The following METAP2 variants were observed in gnomAD, a reference collection of about 807,000 sequenced individuals.
METAP2 encodes the protein methionine aminopeptidase 2.
Under a neutral mutation model 59.4 loss-of-function variants are expected in METAP2, and 25 were observed. The observed-to-expected ratio is 0.42, with a 90% CI of 0.31 to 0.59. The LOEUF (loss-of-function observed/expected upper bound fraction) is 0.59. Among genes scored for constraint, METAP2 ranks in the 20% least tolerant of loss-of-function variants. The probability of loss-of-function intolerance (pLI) is 0.16; values close to 1 mark genes in which losing one functional copy is unlikely to be tolerated. For missense variants in METAP2, 366 were observed against 581.2 expected, an observed-to-expected ratio of 0.63 and a Z score of 3.81; for synonymous variants, 214 against 194.1, an observed-to-expected ratio of 1.10 and a Z score of -0.85.
chr12:95,474,403 G>T (rs1387186580), intron 1 of METAP2, 73 bp downstream of exon 1: 2 of 1,525,694 alleles, frequency 1.3e-6, no homozygotes, highest in African/African-American at 1.4e-5. Flanking sequence ...CCGTTGAGGG[G>T]GCCGGGACCG....
Position 95,495,002 on chromosome 12 carries a change from A to G in METAP2, c.636A>G (p.Gly212=), listed in dbSNP as rs2076266755. Residue 212 remains glycine, a synonymous_variant, in exon 6 of 11, where the codon GGA becomes GGG. Transcript: ENST00000323666. ...CACGCAAGTTAATAAAAGAGAATGG[A>G]TTAAATGCAGGCCTGGCATTTCCTA... ...DCSRKLIKEN[G]LNAGLAFPTG... is the part of the protein sequence containing the mutation. 1 of 1,613,734 alleles carries G rather than the reference A, an allele frequency of 6.2e-7. No individual in the cohort carries two copies.
intron 1 of METAP2, 24 bp downstream of exon 1, chr12:95,474,354 C>T: frequency 6.2e-7 from 1 of 1,611,130 alleles, no homozygotes; most frequent in Non-Finnish European, 8.5e-7. Context: ...TATGTTTTCC[C>T]AGTCCCCTCC....
At chr12:95,511,621 A>C (rs1214696688) in intron 8 of METAP2, among the ~76,000 whole-genome samples, 1 of 151,890 alleles carries the variant, frequency 6.6e-6, no homozygotes, top group Non-Finnish European at 1.5e-5. Flanking sequence ...CGAACTCCTG[A>C]CCTCAGGTGA....
At chr12:95,509,348 G>A (rs944027473) in intron 8 of METAP2, among the ~76,000 whole-genome samples, 1 of 152,152 alleles carries the variant, frequency 6.6e-6, no homozygotes, top group African/African-American at 2.4e-5. Context: ...CATTGCAGTG[G>A]GAATGCCATA....
chr12:95,503,801 C>G (rs1236385520), intron 7 of METAP2, among the ~76,000 whole-genome samples: 1 of 152,160 alleles, frequency 6.6e-6, no homozygotes, highest in Non-Finnish European at 1.5e-5. Flanking sequence ...CTGGAAGTTG[C>G]AAGGCTTCAG....
At chr12:95,497,144 A>G (rs1330507635) in intron 7 of METAP2, among the ~76,000 whole-genome samples, 5 of 152,132 alleles carry the variant, frequency 3.3e-5, no homozygotes, top group Non-Finnish European at 5.9e-5. Context: ...TATGTTGTTC[A>G]TTGGTATTAA....
intron 5 of METAP2, 48 bp downstream of exon 5, chr12:95,494,265 A>G (rs761389224): frequency 6.5e-7 from 1 of 1,537,456 alleles, no homozygotes; most frequent in South Asian, 1.2e-5. Flanking sequence ...ATGTTTTATT[A>G]AGTACTAACT....
intron 8 of METAP2, among the ~76,000 whole-genome samples, chr12:95,510,274 G>C (rs185494564): frequency 9.0e-4 from 137 of 152,330 alleles, no homozygotes; most frequent in African/African-American, 3.2e-3. Context: ...AAGACGCTCA[G>C]TCTCATTTTC....
chr12:95,515,533 C>CT lies in METAP2; in HGVS notation c.*1632dup, dbSNP rs1188301261. The CT allele has an allele frequency of 6.6e-6, 1 of 152,158 alleles. No homozygotes were observed. The highest frequency in any genetic ancestry group is 2.4e-5 in the African/African-American group (1 of 41,404). The allele number at this position is 152,158 out of a possible 1,614,324, so 9.4% of individuals were successfully genotyped here. ...TAAACCCAGCAATTTTAGAATTGAC[C>CT]TTTATGAGTGAAGACTTTTGGAGCT... On this transcript the variant is annotated 3_prime_UTR_variant, in exon 11 of 11. Transcript: ENST00000323666.
Position 95,483,232 on chromosome 12 carries a change from G to T in METAP2, c.277G>T (p.Asp93Tyr), listed in dbSNP as rs746486436. 6 of 1,613,134 alleles carry T rather than the reference G, an allele frequency of 3.7e-6. No individual in the cohort carries two copies. Among genetic ancestry groups the T allele is most frequent in the Non-Finnish European group, 4.2e-6 (5 of 1,179,080 alleles). Residue 93 changes from aspartate (D) to tyrosine (Y), a missense_variant, in exon 3 of 11, where the codon GAT becomes TAT. Physicochemically the swap from Asp to Tyr is radical, Grantham distance 160. Transcript: ENST00000323666. ...TTTCTTAGATGGAGATGGCGATGGAGATGGAGCAACTGGAAAGAAGAAGAA... is the reference window on the plus strand; with the variant it reads ...TTTCTTAGATGGAGATGGCGATGGATATGGAGCAACTGGAAAGAAGAAGAA... ...EDDEDGDGDG[D>Y]GATGKKKKKK...
chr12:95,508,186 G>C lies in METAP2; in HGVS notation c.965-3709G>C, dbSNP rs556277723. On this transcript the variant is annotated intron_variant, in intron 8 of 10. Coordinates refer to ENST00000323666, the MANE Select transcript of METAP2 (RefSeq NM_006838.4). ...AAATTTACTATGTTCCTTAGTAAGG[G>C]TAAACATACTTTTCTTTGTATCCTA... Among the ~76,000 whole-genome samples, 24 of 152,204 alleles carry C rather than the reference G, an allele frequency of 1.6e-4. No homozygotes were observed. In the South Asian group the frequency reaches 4.8e-3, roughly 30 times the overall value.
intron 4 of METAP2, among the ~76,000 whole-genome samples, chr12:95,488,328 C>T (rs747909038): frequency 9.3e-5 from 14 of 151,284 alleles, no homozygotes; most frequent in Admixed American, 4.6e-4. Flanking sequence ...GGTAAAACCC[C>T]GTCTCTACTA....
chr12:95,476,276 G>A, intron 2 of METAP2, 98 bp downstream of exon 2: 3 of 676,328 alleles, frequency 4.4e-6, no homozygotes, highest in Non-Finnish European at 7.4e-6. Context: ...GGAGGTCGAG[G>A]CGGGTGGATT....
At chr12:95,491,918 AC>A (rs1299895341) in intron 4 of METAP2, among the ~76,000 whole-genome samples, 3 of 150,454 alleles carry the variant, frequency 2.0e-5, no homozygotes, top group African/African-American at 7.4e-5. Flanking sequence ...TGATCCTCCT[AC>A]CCCTTCTCCC....
intron 8 of METAP2, 33 bp from the exon 9 acceptor site, chr12:95,511,862 G>A: frequency 6.7e-7 from 1 of 1,482,918 alleles, no homozygotes; most frequent in Non-Finnish European, 9.3e-7. Context: ...TTGAGATCCT[G>A]AATGACTTTT....
At position 95,513,150 on chromosome 12, in the gene METAP2, C is replaced by T. The variant is rs546809638; in HGVS notation, c.1184+234C>T. ...ACACACACAAGTGCTCTCTTCAAGT[C>T]CGGTTTCTGATAATCATAAATGTCA... On this transcript the variant is annotated intron_variant, in intron 10 of 10. Coordinates refer to ENST00000323666, the MANE Select transcript of METAP2 (RefSeq NM_006838.4). Among the ~76,000 whole-genome samples, 99 of 149,366 alleles carry T rather than the reference C, an allele frequency of 6.6e-4. No homozygotes were observed. The South Asian group carries it at 0.01, about 16-fold the overall frequency.
chr12:95,502,765 C>T (rs1304630712), intron 7 of METAP2, among the ~76,000 whole-genome samples: 1 of 151,870 alleles, frequency 6.6e-6, no homozygotes, highest in Admixed American at 6.6e-5. Context: ...CTTTTTTATT[C>T]TTAGACTTGG....
At chr12:95,488,965 A>T (rs1440284214) in intron 4 of METAP2, among the ~76,000 whole-genome samples, 2 of 152,174 alleles carry the variant, frequency 1.3e-5, no homozygotes, top group African/African-American at 4.8e-5. Flanking sequence ...CTGAAAATTG[A>T]CAGTTTATCA....
At chr12:95,504,764 A>G (rs981037444) in intron 8 of METAP2, among the ~76,000 whole-genome samples, 4 of 152,164 alleles carry the variant, frequency 2.6e-5, no homozygotes. Context: ...TCAGCCTCCC[A>G]AAGTGCAGGG....
Sources: allele counts gnomAD v4.1 joint callset (sites outside exome capture counted in the v4.1 genomes callset), GRCh38; gene constraint gnomAD v4.1.1; transcripts MANE v1.5; gene names NCBI Gene and HGNC (gene_info 2026-07-23, HGNC 2026-07-21).